LRBA: variants seen among roughly 807,000 people sequenced by gnomAD.
LRBA encodes the protein LPS responsive beige-like anchor protein.
A neutral mutation model predicts 330.0 loss-of-function variants in LRBA; 176 were observed. The observed-to-expected ratio is 0.53, with a 90% CI of 0.47 to 0.60. LRBA has a LOEUF of 0.60. Among genes scored for constraint, LRBA ranks in the 20% least tolerant of loss-of-function variants. The pLI, the probability that LRBA is intolerant of heterozygous loss-of-function variation, is 0.00. For synonymous variants in LRBA, 1,230 were observed against 1,193.0 expected (o/e 1.03, Z -0.64); for missense variants, 3,259 against 3,444.8 (o/e 0.95, Z 1.35).
chr4:150,490,160 T>C (rs1045264272), intron 41 of LRBA, among the ~76,000 whole-genome samples: 4 of 151,728 alleles, frequency 2.6e-5, no homozygotes, highest in Non-Finnish European at 5.9e-5. Context: ...AAGAAATTTG[T>C]ATTCCCTAAA....
chr4:150,704,113 C>T (rs544834414), intron 36 of LRBA, among the ~76,000 whole-genome samples: 1 of 152,198 alleles, frequency 6.6e-6, no homozygotes, highest in East Asian at 1.9e-4. Flanking sequence ...ACCTTGGAGG[C>T]TGAGGTGAGA....
intron 42 of LRBA, among the ~76,000 whole-genome samples, chr4:150,483,424 T>C (rs1372228466): frequency 1.3e-5 from 2 of 151,958 alleles, no homozygotes; most frequent in Non-Finnish European, 2.9e-5. Flanking sequence ...TTTCTCAAAA[T>C]TGTTTAAACT....
At chr4:150,527,063 T>C (rs1335560181) in intron 40 of LRBA, among the ~76,000 whole-genome samples, 1 of 151,910 alleles carries the variant, frequency 6.6e-6, no homozygotes, top group East Asian at 1.9e-4. Flanking sequence ...GAATTTACCA[T>C]ATTCTGTGCC....
intron 2 of LRBA, among the ~76,000 whole-genome samples, chr4:150,981,517 C>G (rs185186312): frequency 1.3e-5 from 2 of 152,018 alleles, no homozygotes; most frequent in East Asian, 1.9e-4. Context: ...ATCACACTAT[C>G]TGACTTCAAT....
intron 34 of LRBA, among the ~76,000 whole-genome samples, chr4:150,788,915 A>C (rs1015780442): frequency 8.6e-5 from 13 of 151,732 alleles, no homozygotes; most frequent in Non-Finnish European, 1.8e-4. Context: ...TCTCCACTAA[A>C]ATTCAAAAAT....
At chr4:150,737,435 G>T (rs1731328462) in intron 35 of LRBA, among the ~76,000 whole-genome samples, 2 of 151,928 alleles carry the variant, frequency 1.3e-5, no homozygotes, top group South Asian at 4.2e-4. Flanking sequence ...GCTCCAGCCT[G>T]GGTGACAGAG....
At chr4:150,845,624 G>C (rs531508377) in intron 26 of LRBA, among the ~76,000 whole-genome samples, 14 of 152,198 alleles carry the variant, frequency 9.2e-5, no homozygotes, top group Non-Finnish European at 1.5e-4. Context: ...CTTAAGGGGG[G>C]ACTTCACAAA....
intron 40 of LRBA, among the ~76,000 whole-genome samples, chr4:150,559,699 TATATTATATA>T (rs1215027695): frequency 3.3e-5 from 3 of 90,920 alleles, no homozygotes; most frequent in African/African-American, 9.2e-5. Flanking sequence ...TTATATATTA[TATATTATATA>T]ATATTATAGA....
chr4:150,437,616 A>G (rs1751298493), intron 44 of LRBA, among the ~76,000 whole-genome samples: 1 of 151,442 alleles, frequency 6.6e-6, no homozygotes, highest in Non-Finnish European at 1.5e-5. Context: ...CTGGAAAATA[A>G]TACTTTACAG....
Position 151,014,634 on chromosome 4 carries a change from G to C in LRBA, c.9C>G (p.Ser3Arg), listed in dbSNP as rs760789351. The stretch of plus-strand genomic sequence containing the variant: ...GCGGGGAAGGGACACGATTGTCTTC[G>C]CTAGCCATTGCTAGCTCACGATAAA... MA[S>R]EDNRVPSPPP... is the part of the protein sequence containing the mutation. The change falls in exon 2 of 57, where the codon AGC becomes AGG. Residue 3 changes from serine (S) to arginine (R), a missense_variant. Ser to Arg is a moderately radical substitution (Grantham distance 110). Transcript: ENST00000651943. 2 of 1,592,640 alleles carry C rather than the reference G, an allele frequency of 1.3e-6. No homozygotes were observed. Among genetic ancestry groups the C allele is most frequent in the South Asian group, 1.1e-5 (1 of 88,886 alleles).
chr4:150,430,095 A>T (rs1750173015), intron 46 of LRBA, among the ~76,000 whole-genome samples: 1 of 150,922 alleles, frequency 6.6e-6, no homozygotes, highest in African/African-American at 2.4e-5. Flanking sequence ...TTAATCTTTC[A>T]CTCTCTCTCT....
chr4:150,896,517 T>C, intron 15 of LRBA, 61 bp from the exon 16 acceptor site: 1 of 836,590 alleles, frequency 1.2e-6, no homozygotes, highest in Non-Finnish European at 2.0e-6. Context: ...AAAGAGAAAT[T>C]ATACACATAG....
intron 48 of LRBA, among the ~76,000 whole-genome samples, chr4:150,330,331 T>C (rs760972308): frequency 6.6e-6 from 1 of 152,162 alleles, no homozygotes; most frequent in Admixed American, 6.5e-5. Flanking sequence ...GTTTCCCTAA[T>C]CTTGTTAAAT....
chr4:150,930,533 A>G (rs1231081999), intron 2 of LRBA, among the ~76,000 whole-genome samples: 1 of 152,178 alleles, frequency 6.6e-6, no homozygotes. Flanking sequence ...TGGCTCTTAT[A>G]AAGAATAACA....
chr4:150,769,490 A>C (rs1736263738), intron 34 of LRBA, among the ~76,000 whole-genome samples: 2 of 152,198 alleles, frequency 1.3e-5, no homozygotes, highest in African/African-American at 4.8e-5. Context: ...ACCCAGGAAG[A>C]GACAAATTTG....
intron 47 of LRBA, among the ~76,000 whole-genome samples, chr4:150,356,712 T>A (rs1737893183): frequency 6.6e-6 from 1 of 151,962 alleles, no homozygotes; most frequent in African/African-American, 2.4e-5. Flanking sequence ...ATTTAAAGAT[T>A]ACATCTTCAG....
chr4:150,852,024 T>C lies in LRBA; in HGVS notation c.3686A>G (p.His1229Arg). 6.2e-7 allele frequency: 1 copy of C among 1,614,126 alleles called. No individual in the cohort carries two copies. The highest frequency in any genetic ancestry group is 8.5e-7 in the Non-Finnish European group (1 of 1,179,984). ...TRETKLINDCHGSVSEASSEQ... is the reference protein window; with the variant it reads ...TRETKLINDCRGSVSEASSEQ... ...AGAAGAAGCCTCAGAGACACTACCA[T>C]GACAATCATTAATTAATTTGGTTTC... Residue 1229 changes from histidine to arginine, a missense_variant, in exon 23 of 57, where the codon CAT becomes CGT. His to Arg is a conservative substitution (Grantham distance 29). Transcript: ENST00000651943.
chr4:150,540,384 G>A (rs1044616695), intron 40 of LRBA, among the ~76,000 whole-genome samples: 1 of 152,102 alleles, frequency 6.6e-6, no homozygotes, highest in Admixed American at 6.6e-5. Flanking sequence ...TAGCAGAGAC[G>A]GGGTTTCACC....
At chr4:150,844,585 A>G in intron 27 of LRBA, 73 bp downstream of exon 27, 1 of 1,357,910 alleles carries the variant, frequency 7.4e-7, no homozygotes, top group Non-Finnish European at 1.0e-6. Flanking sequence ...CTTTATGTTG[A>G]AATGAACAAA....
Sources: gnomAD v4.1 joint callset for allele counts (sites outside exome capture counted in the v4.1 genomes callset) on GRCh38, gnomAD v4.1.1 for gene constraint, MANE v1.5 for transcripts, NCBI Gene and HGNC (gene_info 2026-07-23, HGNC 2026-07-21) for gene names.